DHRS4L2: variants seen among roughly 807,000 people sequenced by gnomAD.
The protein encoded by DHRS4L2 is dehydrogenase/reductase 4 like 2.
Under a neutral mutation model 23.9 loss-of-function variants are expected in DHRS4L2, and 22 were observed. The ratio of observed to expected loss-of-function variants is 0.92; its 90% CI spans 0.66 to 1.31. The LOEUF (loss-of-function observed/expected upper bound fraction) is 1.31, where lower values mean the gene tolerates loss of function less well. DHRS4L2 is among the 40% of genes most tolerant of loss of function. DHRS4L2 has a pLI of 0.00. For missense variants in DHRS4L2, 385 were observed against 303.3 expected (o/e 1.27, Z -2.00); for synonymous variants, 141 against 123.7 (o/e 1.14, Z -0.93).
Position 24,005,924 on chromosome 14 carries a change from T to C in DHRS4L2, c.*61T>C. 3 of 1,609,990 alleles carry C rather than the reference T, an allele frequency of 1.9e-6. No individual in the cohort carries two copies. Among genetic ancestry groups the C allele is most frequent in the Admixed American group, 3.4e-5 (2 of 59,574 alleles). On this transcript the variant is annotated 3_prime_UTR_variant, in exon 8 of 8. Transcript: ENST00000335125. ...GAGGATTGTGCTGGCATCGTGTCTT[T>C]CCTGTGCTCTGAAGATGCCAGCTAC...
chr14:23,975,318 G>T (rs948670123), intron 1 of DHRS4L2, among the ~76,000 whole-genome samples: 1 of 151,602 alleles, frequency 6.6e-6, no homozygotes, highest in Non-Finnish European at 1.5e-5. Context: ...CATGAGTGAA[G>T]TCCCATTCAC....
chr14:23,985,827 G>T (rs1414207245), upstream of DHRS4L2, among the ~76,000 whole-genome samples: 1 of 151,546 alleles, frequency 6.6e-6, no homozygotes, highest in Non-Finnish European at 1.5e-5. Flanking sequence ...CAATTCTCCT[G>T]CCTCAGCCTC....
intron 2 of DHRS4L2, chr14:23,990,926 C>T (rs1231091822): frequency 1.2e-6 from 1 of 857,582 alleles, no homozygotes; most frequent in African/African-American, 1.8e-5. Context: ...AGCTCCCTTC[C>T]TTTATTGGCT....
At chr14:23,972,399 G>A (rs1037360654) in intron 1 of DHRS4L2, among the ~76,000 whole-genome samples, 1 of 152,048 alleles carries the variant, frequency 6.6e-6, no homozygotes, top group African/African-American at 2.4e-5. Context: ...CCTCCTGGTG[G>A]GTTCGTGGCC....
Position 23,990,285 on chromosome 14 carries a change from G to T in DHRS4L2, c.232G>T (p.Gly78Trp). ...NVDQAVATLQ[G>W]EGLSVTGTVC... ...GGACCAGGCGGTGGCCACGCTGCAG[G>T]GGGAGGGGCTGAGCGTGACGGGCAC... Residue 78 changes from glycine (G) to tryptophan (W), a missense_variant, in exon 2 of 8, where the codon GGG becomes TGG. Coordinates refer to ENST00000335125, the MANE Select transcript of DHRS4L2 (RefSeq NM_198083.4). 6.2e-7 allele frequency: 1 copy of T among 1,612,572 alleles called. No homozygotes were observed. The highest frequency in any genetic ancestry group is 8.5e-7 in the Non-Finnish European group (1 of 1,179,272).
intron 3 of DHRS4L2, among the ~76,000 whole-genome samples, chr14:23,999,344 T>TAAAAAAAAAAAAAAA (rs71426825): frequency 5.6e-5 from 3 of 53,676 alleles, no homozygotes; most frequent in Non-Finnish European, 1.4e-4. Context: ...CTCCAATTTG[T>TAAAAAAAAAAAAAAA]AAAAAAAAAA....
At chr14:23,989,406 G>C (rs1004814071) in intron 1 of DHRS4L2, among the ~76,000 whole-genome samples, 8 of 151,590 alleles carry the variant, frequency 5.3e-5, no homozygotes, top group African/African-American at 1.9e-4. Context: ...AGGGAATCTG[G>C]ATTCAAAATC....
chr14:23,970,911 GA>G (rs1295248957), intron 1 of DHRS4L2, among the ~76,000 whole-genome samples: 2 of 152,042 alleles, frequency 1.3e-5, no homozygotes, highest in East Asian at 3.8e-4. Context: ...CTAACAAACA[GA>G]AAGGAATAGC....
upstream of DHRS4L2, chr14:23,988,852 G>T (rs561357892): frequency 5.3e-6 from 8 of 1,495,688 alleles, no homozygotes; most frequent in East Asian, 1.2e-4. Context: ...CGGGAAGGGG[G>T]CAGGCAGGGA....
Position 23,989,018 on chromosome 14 carries a change from T to C in DHRS4L2, c.71T>C (p.Met24Thr). 6.2e-7 allele frequency: 1 copy of C among 1,608,242 alleles called. No individual in the cohort carries two copies. Among genetic ancestry groups the C allele is most frequent in the Non-Finnish European group, 8.5e-7 (1 of 1,177,364 alleles). ...TCGGTGCGGATGGCCAGCTCCAGGA[T>C]GACCCGCCGGGACCCGCTCACAAAT... ...RKSVRMASSR[M>T]TRRDPLTNKV... Residue 24 changes from methionine (M) to threonine (T), a missense_variant, in exon 1 of 8, where the codon ATG becomes ACG. Met to Thr is a moderately conservative substitution (Grantham distance 81). Transcript: ENST00000335125.
At chr14:23,996,932 G>C (rs1320425731) in intron 3 of DHRS4L2, among the ~76,000 whole-genome samples, 3 of 151,878 alleles carry the variant, frequency 2.0e-5, no homozygotes, top group African/African-American at 7.2e-5. Flanking sequence ...ACCACACACA[G>C]CCAGATTCTG....
chr14:23,987,285 C>T, upstream of DHRS4L2: 1 of 289,374 alleles, frequency 3.5e-6, no homozygotes, highest in Non-Finnish European at 6.9e-6. Flanking sequence ...CAAGTACCAC[C>T]ACGCCCGGCT....
chr14:23,996,188 C>T (rs2034379037), intron 3 of DHRS4L2, among the ~76,000 whole-genome samples: 1 of 151,670 alleles, frequency 6.6e-6, no homozygotes, highest in Non-Finnish European at 1.5e-5. Flanking sequence ...CATAAGGGAT[C>T]CACCCTCATG....
At chr14:23,973,383 C>T (rs1303334188) in intron 1 of DHRS4L2, among the ~76,000 whole-genome samples, 2 of 151,914 alleles carry the variant, frequency 1.3e-5, no homozygotes, top group Non-Finnish European at 2.9e-5. Flanking sequence ...CACCTCCCTG[C>T]AATCTGAGGA....
At chr14:23,999,139 C>T (rs2034436761) in intron 3 of DHRS4L2, among the ~76,000 whole-genome samples, 1 of 144,556 alleles carries the variant, frequency 6.9e-6, no homozygotes, top group Non-Finnish European at 1.5e-5. Flanking sequence ...ACCTTCTTTT[C>T]TGGGTGTGGT....
In DHRS4L2 at chr14:23,989,198, A is replaced by G. The variant is rs1359680369; in HGVS notation, c.128+123A>G. 13 of 1,473,302 alleles carry G rather than the reference A, an allele frequency of 8.8e-6. No homozygotes were observed. The East Asian group carries it at 2.2e-4, about 25-fold the overall frequency. 91.3% of individuals were successfully genotyped at this position (1,473,302 alleles called of 1,614,324 possible). On this transcript the variant is annotated intron_variant, in intron 1 of 7. Coordinates refer to ENST00000335125, the MANE Select transcript of DHRS4L2 (RefSeq NM_198083.4). Reference sequence around the variant, plus strand: ...CATACCGCCAAAGTCTGGCCATGGAAAAAAAGTAGCCACGTGGTCCGCCTG... The same window carrying G: ...CATACCGCCAAAGTCTGGCCATGGAGAAAAAGTAGCCACGTGGTCCGCCTG...
upstream of DHRS4L2, among the ~76,000 whole-genome samples, chr14:23,985,934 C>T (rs1049109880): frequency 6.6e-6 from 1 of 151,518 alleles, no homozygotes; most frequent in African/African-American, 2.4e-5. Flanking sequence ...GAACTCTTGA[C>T]CATGCCCAGC....
chr14:23,989,242 T>TGGCCCTG (rs56344129), intron 1 of DHRS4L2, among the ~76,000 whole-genome samples, 167 bp downstream of exon 1: 18,868 of 149,494 alleles, frequency 0.13, 1,523 homozygotes, highest in East Asian at 0.23. Flanking sequence ...CCGAATACCC[T>TGGCCCTG]GGCCCTCCCT....
intron 2 of DHRS4L2, among the ~76,000 whole-genome samples, chr14:23,992,744 G>A (rs2034296002): frequency 6.6e-6 from 1 of 150,556 alleles, no homozygotes; most frequent in Non-Finnish European, 1.5e-5. Flanking sequence ...GCAGTGCAGT[G>A]ACATGATCAT....
Sources: gnomAD v4.1 joint callset for allele counts (sites outside exome capture counted in the v4.1 genomes callset) on GRCh38, gnomAD v4.1.1 for gene constraint, MANE v1.5 for transcripts, NCBI Gene and HGNC (gene_info 2026-07-23, HGNC 2026-07-21) for gene names.